Variants in AKAP19 observed in about 807,000 individuals in gnomAD.
AKAP19 encodes A-kinase anchoring protein 19, also known as small A-kinase anchoring protein.
At chr2:190,028,193 T>C in the AKAP19 span, among the ~76,000 whole-genome samples, 1 of 152,092 alleles carries the variant, frequency 6.6e-6, no homozygotes, top group Non-Finnish European at 1.5e-5. Context: ...GAAGTAAACA[T>C]AAAAGGATGT....
At chr2:190,001,721 C>G in the AKAP19 span, among the ~76,000 whole-genome samples, 3 of 152,318 alleles carry the variant, frequency 2.0e-5, no homozygotes, top group African/African-American at 7.2e-5. Context: ...CAGAGGAACA[C>G]TTTCAGGCCA....
chr2:189,887,346 A>G, the AKAP19 span, among the ~76,000 whole-genome samples: 35 of 152,168 alleles, frequency 2.3e-4, no homozygotes, highest in Admixed American at 1.3e-3. Flanking sequence ...CATGGTGTAT[A>G]TGTGCCACAT....
At chr2:190,133,093 C>T in the AKAP19 span, among the ~76,000 whole-genome samples, 1 of 151,734 alleles carries the variant, frequency 6.6e-6, no homozygotes, top group African/African-American at 2.4e-5. Context: ...AAAAAATTAG[C>T]CGGGCGTGGT....
At chr2:190,095,560 G>C in the AKAP19 span, 4 of 152,184 alleles carry the variant, frequency 2.6e-5, no homozygotes, top group Non-Finnish European at 4.4e-5. Flanking sequence ...ACCAGAACCT[G>C]ACCATCTTAG....
the AKAP19 span, among the ~76,000 whole-genome samples, chr2:190,054,901 A>C: frequency 6.6e-6 from 1 of 152,222 alleles, no homozygotes; most frequent in Non-Finnish European, 1.5e-5. Context: ...TAGTTCAACC[A>C]TTGTGGAAGT....
the AKAP19 span, among the ~76,000 whole-genome samples, chr2:190,024,380 GTA>G: frequency 0.033 from 4,870 of 145,924 alleles, 247 homozygotes; most frequent in African/African-American, 0.11. Context: ...ATATGTGTGT[GTA>G]TATATATATA....
chr2:190,153,568 A>G, the AKAP19 span, among the ~76,000 whole-genome samples: 2 of 152,196 alleles, frequency 1.3e-5, no homozygotes, highest in Non-Finnish European at 2.9e-5. Flanking sequence ...TAATGTTTTC[A>G]TCAATTCTTA....
the AKAP19 span, among the ~76,000 whole-genome samples, chr2:190,019,931 G>A: frequency 6.6e-6 from 1 of 152,196 alleles, no homozygotes; most frequent in Non-Finnish European, 1.5e-5. Context: ...AGGTGTTCTT[G>A]TCTGTGGATA....
chr2:190,051,076 A>C, the AKAP19 span, among the ~76,000 whole-genome samples: 1 of 152,214 alleles, frequency 6.6e-6, no homozygotes, highest in Non-Finnish European at 1.5e-5. Flanking sequence ...ACAGTTTTTC[A>C]CACCTGAGTT....
the AKAP19 span, among the ~76,000 whole-genome samples, chr2:190,023,818 T>TAC: frequency 1.8e-4 from 26 of 146,518 alleles, no homozygotes; most frequent in African/African-American, 6.2e-4. Context: ...TATATATATA[T>TAC]ACATATATAT....
At chr2:189,890,933 T>C in the AKAP19 span, among the ~76,000 whole-genome samples, 1 of 152,234 alleles carries the variant, frequency 6.6e-6, no homozygotes. Flanking sequence ...GTTAATATTA[T>C]GTGTGAATTT....
chr2:190,054,411 A>G, the AKAP19 span, among the ~76,000 whole-genome samples: 1 of 152,198 alleles, frequency 6.6e-6, no homozygotes, highest in African/African-American at 2.4e-5. Flanking sequence ...AGGCAATATC[A>G]TTCAGGACAT....
chr2:189,917,522 C>A, the AKAP19 span: 1 of 594,832 alleles, frequency 1.7e-6, no homozygotes, highest in Non-Finnish European at 3.0e-6. Context: ...TTTCTTTTTT[C>A]TTTTTTGCAC....
the AKAP19 span, among the ~76,000 whole-genome samples, chr2:189,975,171 G>A: frequency 2.6e-5 from 4 of 152,110 alleles, no homozygotes; most frequent in African/African-American, 7.2e-5. Flanking sequence ...TGTAGGGCAG[G>A]CCTGGTGGTG....
At chr2:190,143,922 C>CA in the AKAP19 span, among the ~76,000 whole-genome samples, 7 of 145,242 alleles carry the variant, frequency 4.8e-5, no homozygotes, top group East Asian at 1.4e-3. Flanking sequence ...ATCGCAAGAA[C>CA]AAAAAACCAA....
At chr2:190,050,311 A>AC in the AKAP19 span, among the ~76,000 whole-genome samples, 1 of 152,100 alleles carries the variant, frequency 6.6e-6, no homozygotes, top group Non-Finnish European at 1.5e-5. Flanking sequence ...TATAAAATAT[A>AC]CCCCCAAGTC....
the AKAP19 span, among the ~76,000 whole-genome samples, chr2:190,110,545 C>A: frequency 6.6e-6 from 1 of 152,148 alleles, no homozygotes; most frequent in East Asian, 1.9e-4. Context: ...TAAGGTGAAA[C>A]CAGAGTTACA....
the AKAP19 span, among the ~76,000 whole-genome samples, chr2:190,138,813 G>A: frequency 1.3e-5 from 2 of 152,108 alleles, no homozygotes; most frequent in African/African-American, 4.8e-5. Context: ...CCACTTCCAG[G>A]CCATTTTCAC....
chr2:190,170,278 C>T, the AKAP19 span, among the ~76,000 whole-genome samples: 1 of 152,176 alleles, frequency 6.6e-6, no homozygotes, highest in African/African-American at 2.4e-5. Context: ...AGGGTTTCAA[C>T]ATATGAATTT....
Sources: allele counts gnomAD v4.1 joint callset (sites outside exome capture counted in the v4.1 genomes callset), GRCh38; gene constraint gnomAD v4.1.1; transcripts MANE v1.5; gene names NCBI Gene and HGNC (gene_info 2026-07-23, HGNC 2026-07-21).